The following ATP2C1 variants were observed in gnomAD, a reference collection of about 807,000 sequenced individuals.
The protein encoded by ATP2C1 is ATPase secretory pathway Ca2+ transporting 1.
ATP2C1 carries 31 observed loss-of-function variants against 120.5 expected under a neutral mutation model. That is an observed-to-expected ratio of 0.26 (90% CI 0.19 to 0.35). The LOEUF (loss-of-function observed/expected upper bound fraction) is 0.35, where lower values mean the gene tolerates loss of function less well. Among genes scored for constraint, ATP2C1 ranks in the 10% least tolerant of loss-of-function variants. The pLI is 1.00. For synonymous variants in ATP2C1, 351 were observed against 358.7 expected, an observed-to-expected ratio of 0.98 and a Z score of 0.24; for missense variants, 731 against 1,107.5, an observed-to-expected ratio of 0.66 and a Z score of 4.83.
At chr3:130,998,238 G>A (rs1361927709) in intron 25 of ATP2C1, 56 bp from the exon 26 acceptor site, 2 of 1,141,942 alleles carry the variant, frequency 1.8e-6, no homozygotes, top group African/African-American at 1.5e-5. Flanking sequence ...AAAAAGCAGC[G>A]ATTTATCCAT....
intron 12 of ATP2C1, among the ~76,000 whole-genome samples, chr3:130,962,032 A>G (rs1330364772): frequency 6.6e-6 from 1 of 152,048 alleles, no homozygotes; most frequent in Non-Finnish European, 1.5e-5. Context: ...CAAGGACTCT[A>G]TCATGTAGTA....
chr3:130,966,401 CAATT>C (rs1242075509), intron 14 of ATP2C1, among the ~76,000 whole-genome samples: 3 of 152,074 alleles, frequency 2.0e-5, no homozygotes, highest in East Asian at 1.9e-4. Context: ...TTTTATCTCT[CAATT>C]AATGTCATTA....
chr3:130,867,585 C>G (rs1352036561), intron 1 of ATP2C1, among the ~76,000 whole-genome samples: 1 of 150,826 alleles, frequency 6.6e-6, no homozygotes, highest in East Asian at 2.0e-4. Flanking sequence ...GTCTCATTCA[C>G]TCAGTGCTCA....
rs564621890 is a variant in ATP2C1 at position 130,925,802 on chromosome 3, G to T, written c.7-4614G>T. 2.0e-5 allele frequency among the ~76,000 whole-genome samples: 3 copies of T among 151,944 alleles called. No homozygotes were observed. The East Asian group carries it at 5.8e-4, about 30-fold the overall frequency. Reference sequence around the variant, plus strand: ...GTGAGCTTGCTGCAGCTGCTGTTGCGGGGGGTGGGGTGAGGGTGTGGTTCC... The same window carrying T: ...GTGAGCTTGCTGCAGCTGCTGTTGCTGGGGGTGGGGTGAGGGTGTGGTTCC... On this transcript the variant is annotated intron_variant, in intron 2 of 27. Transcript: ENST00000510168.
At chr3:130,906,002 A>T (rs535385232) in intron 2 of ATP2C1, among the ~76,000 whole-genome samples, 1 of 152,088 alleles carries the variant, frequency 6.6e-6, no homozygotes, top group African/African-American at 2.4e-5. Flanking sequence ...GGAGCCACCT[A>T]CAGTATGAAT....
intron 13 of ATP2C1, 63 bp downstream of exon 13, chr3:130,964,158 T>C: frequency 1.9e-6 from 3 of 1,594,304 alleles, no homozygotes; most frequent in Non-Finnish European, 2.6e-6. Flanking sequence ...TAGTGAATCA[T>C]CTCAGAGTTT....
chr3:130,883,163 T>C (rs546556557), intron 1 of ATP2C1, among the ~76,000 whole-genome samples: 2 of 152,350 alleles, frequency 1.3e-5, no homozygotes, highest in East Asian at 1.9e-4. Context: ...TAATGATCCT[T>C]TGAATTTCTG....
intron 1 of ATP2C1, among the ~76,000 whole-genome samples, chr3:130,872,774 G>A (rs758258455): frequency 2.0e-5 from 3 of 151,928 alleles, no homozygotes; most frequent in Admixed American, 6.6e-5. Context: ...TAGTAGAGAC[G>A]GAGTTTCACC....
intron 1 of ATP2C1, among the ~76,000 whole-genome samples, chr3:130,867,083 C>G (rs568119489): frequency 6.6e-6 from 1 of 152,102 alleles, no homozygotes; most frequent in African/African-American, 2.4e-5. Flanking sequence ...GAATCATGCC[C>G]GCATTAGACA....
intron 17 of ATP2C1, among the ~76,000 whole-genome samples, chr3:130,971,220 T>C (rs565841680): frequency 2.0e-4 from 31 of 152,314 alleles, no homozygotes; most frequent in Admixed American, 9.1e-4. Context: ...TGTTTAATAA[T>C]TTTACTTTTC....
chr3:130,876,651 G>A (rs934335313), intron 1 of ATP2C1, among the ~76,000 whole-genome samples: 11 of 152,112 alleles, frequency 7.2e-5, no homozygotes, highest in Admixed American at 2.0e-4. Flanking sequence ...CTATTTCTAT[G>A]AAGAATGTCG....
At chr3:131,009,259 A>AT (rs1366568966) in intron 26 of ATP2C1, among the ~76,000 whole-genome samples, 1 of 152,144 alleles carries the variant, frequency 6.6e-6, no homozygotes, top group Non-Finnish European at 1.5e-5. Context: ...TCACTAACTC[A>AT]TTTTTTCAGA....
At chr3:130,864,874 T>G (rs890280016) in intron 1 of ATP2C1, among the ~76,000 whole-genome samples, 11 of 152,308 alleles carry the variant, frequency 7.2e-5, no homozygotes, top group African/African-American at 2.6e-4. Context: ...CATGGAGAAC[T>G]TCTGCCAGAG....
chr3:130,858,838 A>G (rs2067925559), intron 1 of ATP2C1, among the ~76,000 whole-genome samples: 1 of 152,244 alleles, frequency 6.6e-6, no homozygotes, highest in African/African-American at 2.4e-5. Flanking sequence ...TATTGGACTT[A>G]AGAATCATAG....
downstream of ATP2C1, among the ~76,000 whole-genome samples, chr3:131,005,564 C>G (rs1360480088): frequency 2.6e-5 from 4 of 152,170 alleles, no homozygotes; most frequent in African/African-American, 9.7e-5. Flanking sequence ...GGACACAGGT[C>G]CATCTGAAAT....
intron 8 of ATP2C1, among the ~76,000 whole-genome samples, chr3:130,953,076 C>CGTAT (rs10576619): frequency 0.13 from 19,509 of 149,258 alleles, 1,302 homozygotes; most frequent in African/African-American, 0.17. Flanking sequence ...CTCACTTGTT[C>CGTAT]GTATGTATGT....
intron 1 of ATP2C1, among the ~76,000 whole-genome samples, chr3:130,883,087 C>T (rs946991896): frequency 6.6e-6 from 1 of 152,094 alleles, no homozygotes. Flanking sequence ...TGTTATGTGT[C>T]TAGGAATTTA....
intron 2 of ATP2C1, among the ~76,000 whole-genome samples, chr3:130,903,828 G>C (rs2108022755): frequency 6.6e-6 from 1 of 151,972 alleles, no homozygotes; most frequent in South Asian, 2.1e-4. Flanking sequence ...CAACAAAATG[G>C]ACGGGTTTAA....
chr3:130,987,185 G>A (rs1354184865), intron 20 of ATP2C1, among the ~76,000 whole-genome samples: 5 of 151,834 alleles, frequency 3.3e-5, no homozygotes, highest in Non-Finnish European at 7.4e-5. Context: ...TTGCAGAAAT[G>A]GAGTCTCACC....
Sources: gnomAD v4.1 joint callset for allele counts (sites outside exome capture counted in the v4.1 genomes callset) on GRCh38, gnomAD v4.1.1 for gene constraint, MANE v1.5 for transcripts, NCBI Gene and HGNC (gene_info 2026-07-23, HGNC 2026-07-21) for gene names.